The following MRAP2 variants were observed in gnomAD, a reference collection of about 807,000 sequenced individuals.
The protein encoded by MRAP2 is melanocortin 2 receptor accessory protein 2.
A neutral mutation model predicts 17.4 loss-of-function variants in MRAP2; 20 were observed. The observed-to-expected ratio is 1.15, with a 90% CI of 0.81 to 1.67. The LOEUF is 1.67. Ranked by LOEUF, MRAP2 falls within the 40% of genes most tolerant of loss-of-function variation. The pLI, the probability that MRAP2 is intolerant of heterozygous loss-of-function variation, is 0.00. For synonymous variants in MRAP2, 96 were observed against 88.4 expected, an observed-to-expected ratio of 1.09 and a Z score of -0.48; for missense variants, 238 against 240.0, an observed-to-expected ratio of 0.99 and a Z score of 0.05.
the MRAP2 span, among the ~76,000 whole-genome samples, chr6:84,105,483 C>A: frequency 6.6e-6 from 1 of 152,168 alleles, no homozygotes; most frequent in Non-Finnish European, 1.5e-5. Flanking sequence ...TATTCACTAT[C>A]ATGAGAACAG....
At chr6:84,116,405 C>G in the MRAP2 span, among the ~76,000 whole-genome samples, 1 of 152,194 alleles carries the variant, frequency 6.6e-6, no homozygotes, top group Non-Finnish European at 1.5e-5. Context: ...GTCTTGCCTG[C>G]TGCCATGTAA....
chr6:84,115,869 A>C, the MRAP2 span, among the ~76,000 whole-genome samples: 1 of 152,000 alleles, frequency 6.6e-6, no homozygotes, highest in Admixed American at 6.5e-5. Context: ...GGGTGAGGTG[A>C]GGCCCCACCC....
At chr6:84,049,258 C>T (rs1419841722) in intron 1 of MRAP2, among the ~76,000 whole-genome samples, 1 of 152,056 alleles carries the variant, frequency 6.6e-6, no homozygotes, top group African/African-American at 2.4e-5. Flanking sequence ...AACCCCTTCT[C>T]TACTAAAAGC....
chr6:84,085,906 G>T (rs1253524845), intron 3 of MRAP2, among the ~76,000 whole-genome samples: 1 of 152,168 alleles, frequency 6.6e-6, no homozygotes, highest in African/African-American at 2.4e-5. Context: ...AAGTCAAAAA[G>T]CCTCTATCAG....
intron 2 of MRAP2, among the ~76,000 whole-genome samples, chr6:84,061,062 C>A (rs2099493050): frequency 6.6e-6 from 1 of 151,996 alleles, no homozygotes; most frequent in Non-Finnish European, 1.5e-5. Flanking sequence ...ATTTCTATTT[C>A]TTTGGCACTT....
At chr6:84,125,361 G>A in the MRAP2 span, 1 of 1,211,944 alleles carries the variant, frequency 8.3e-7, no homozygotes, top group Non-Finnish European at 1.2e-6. Flanking sequence ...AGGCAAACCT[G>A]GGGTTTCTTT....
chr6:84,079,702 C>T (rs907282684), intron 3 of MRAP2, among the ~76,000 whole-genome samples: 1 of 152,064 alleles, frequency 6.6e-6, no homozygotes, highest in African/African-American at 2.4e-5. Flanking sequence ...TGGGAATACT[C>T]ATGTCATAGT....
the MRAP2 span, among the ~76,000 whole-genome samples, chr6:84,102,389 G>A: frequency 1.3e-5 from 2 of 152,194 alleles, no homozygotes; most frequent in Non-Finnish European, 2.9e-5. Context: ...CTGAGTTAGA[G>A]CTTGAGGGAG....
chr6:84,102,081 G>T, the MRAP2 span, among the ~76,000 whole-genome samples: 4 of 152,144 alleles, frequency 2.6e-5, no homozygotes, highest in African/African-American at 9.7e-5. Context: ...AAAACTTGGT[G>T]TGGTGAAAAA....
intron 3 of MRAP2, among the ~76,000 whole-genome samples, chr6:84,066,148 A>G (rs1006292969): frequency 6.6e-6 from 1 of 152,128 alleles, no homozygotes; most frequent in Non-Finnish European, 1.5e-5. Context: ...ACAGTTGGCA[A>G]TTCCCTTTTG....
At chr6:84,139,331 T>G in the MRAP2 span, among the ~76,000 whole-genome samples, 4 of 152,210 alleles carry the variant, frequency 2.6e-5, no homozygotes, top group African/African-American at 9.6e-5. Context: ...ACAAATTGAT[T>G]GTTCTTTGTT....
At position 84,062,878 on chromosome 6, in the gene MRAP2, T is replaced by G. The variant is rs777026990; in HGVS notation, c.128-15T>G. 1 of 1,614,116 alleles carries G rather than the reference T, an allele frequency of 6.2e-7. No homozygotes were observed. Among genetic ancestry groups the G allele is most frequent in the South Asian group, 1.1e-5 (1 of 91,084 alleles). ...CTACTGTGAAATACTAATCCCAGAA[T>G]TAACTGTCTTTCAGATTCCATTGTG... On this transcript the variant is annotated splice_polypyrimidine_tract_variant and intron_variant, in intron 2 of 3. Coordinates refer to ENST00000257776, the MANE Select transcript of MRAP2 (RefSeq NM_138409.4).
chr6:84,123,498 T>C, the MRAP2 span, among the ~76,000 whole-genome samples: 4 of 152,086 alleles, frequency 2.6e-5, no homozygotes, highest in Non-Finnish European at 5.9e-5. Context: ...ACTCAATAAA[T>C]GGTGCTGGGA....
rs2099501298 is a variant in MRAP2 at position 84,089,452 on chromosome 6, T to C, written c.589T>C (p.Ser197Pro). 1 of 1,613,606 alleles carries C rather than the reference T, an allele frequency of 6.2e-7. No homozygotes were observed. The highest frequency in any genetic ancestry group is 8.5e-7 in the Non-Finnish European group (1 of 1,179,910). ...TATTGTTCTGGAAACTAAGCCACTT[T>C]CCCAGACCTCACACAAAGACCTGGA... is the stretch of plus-strand genomic sequence containing the variant. Reference protein sequence around the residue: ...PPIVLETKPLSQTSHKDLD With the variant: ...PPIVLETKPLPQTSHKDLD Residue 197 changes from serine to proline, a missense_variant, in exon 4 of 4, where the codon TCC becomes CCC. Ser to Pro is a moderately conservative substitution (Grantham distance 74, BLOSUM62 -1). Coordinates refer to ENST00000257776, the MANE Select transcript of MRAP2 (RefSeq NM_138409.4).
chr6:84,068,636 G>GT lies in MRAP2; in HGVS notation c.227+5650dup, dbSNP rs373268811. ...AGGTTATTCCTAAGTTTGTTTTTTT[G>GT]TTTTTTGTTTTTTTGTGTGTGTTTT... On this transcript the variant is annotated intron_variant, in intron 3 of 3. Coordinates refer to ENST00000257776, the MANE Select transcript of MRAP2 (RefSeq NM_138409.4). Among the ~76,000 whole-genome samples, 80 of 151,004 alleles carry GT rather than the reference G, an allele frequency of 5.3e-4. No homozygotes were observed. In the East Asian group the frequency reaches 0.014, roughly 26 times the overall value.
the MRAP2 span, among the ~76,000 whole-genome samples, chr6:84,105,778 A>T: frequency 6.6e-6 from 1 of 152,120 alleles, no homozygotes; most frequent in African/African-American, 2.4e-5. Flanking sequence ...AGCCCAAAGT[A>T]GCTGGATTGC....
the MRAP2 span, among the ~76,000 whole-genome samples, chr6:84,097,585 T>C: frequency 6.6e-6 from 1 of 152,164 alleles, no homozygotes; most frequent in Non-Finnish European, 1.5e-5. Context: ...CTGGTGAAAA[T>C]CTTTGTCTTT....
At chr6:84,043,948 T>G (rs913993068) in intron 1 of MRAP2, among the ~76,000 whole-genome samples, 1 of 152,190 alleles carries the variant, frequency 6.6e-6, no homozygotes, top group African/African-American at 2.4e-5. Context: ...CGGCATGTAG[T>G]GGGATAGATT....
the MRAP2 span, among the ~76,000 whole-genome samples, chr6:84,112,435 G>T: frequency 1.3e-5 from 2 of 152,056 alleles, no homozygotes; most frequent in Admixed American, 6.5e-5. Context: ...TATTTCTGTG[G>T]GATCAGTGGT....
Sources: allele counts gnomAD v4.1 joint callset (sites outside exome capture counted in the v4.1 genomes callset), GRCh38; gene constraint gnomAD v4.1.1; transcripts MANE v1.5; gene names NCBI Gene and HGNC (gene_info 2026-07-23, HGNC 2026-07-21).